Variants in KIAA0586 observed in about 807,000 individuals in gnomAD.
KIAA0586 encodes the protein protein TALPID3.
A neutral mutation model predicts 169.8 loss-of-function variants in KIAA0586; 144 were observed. That is an observed-to-expected ratio of 0.85 (90% CI 0.74 to 0.97). The LOEUF (loss-of-function observed/expected upper bound fraction) is 0.97, where lower values mean the gene tolerates loss of function less well. KIAA0586 is among the 50% of genes least tolerant of loss of function. KIAA0586 has a pLI of 0.00. For missense variants in KIAA0586, 1,854 were observed against 1,823.0 expected (o/e 1.02, Z -0.31); for synonymous variants, 625 against 612.4 (o/e 1.02, Z -0.30).
chr14:58,538,155 C>T (rs1271862082), intron 29 of KIAA0586, among the ~76,000 whole-genome samples: 2 of 152,042 alleles, frequency 1.3e-5, no homozygotes, highest in Admixed American at 6.5e-5. Context: ...GACCCCATTT[C>T]TTTAAAAAAC....
intron 28 of KIAA0586, 101 bp from the exon 29 acceptor site, chr14:58,512,421 C>A: frequency 1.6e-6 from 1 of 618,406 alleles, no homozygotes; most frequent in South Asian, 2.6e-5. Context: ...AGAAAGCAAG[C>A]ATATTATTAA....
At chr14:58,522,013 T>C in intron 29 of KIAA0586, 1 of 1,247,898 alleles carries the variant, frequency 8.0e-7, no homozygotes, top group Non-Finnish European at 1.2e-6. Context: ...GGTTTAGAAA[T>C]CTTATCCCAT....
downstream of KIAA0586, among the ~76,000 whole-genome samples, chr14:58,554,771 T>C (rs544585528): frequency 4.1e-4 from 62 of 152,352 alleles, no homozygotes; most frequent in African/African-American, 1.5e-3. Context: ...TTGTTTTTTC[T>C]ATAAACTTTT....
At position 58,467,805 on chromosome 14, in the gene KIAA0586, T is replaced by G; in HGVS notation, c.2325T>G (p.Thr775=). 6.2e-7 allele frequency: 1 copy of G among 1,613,790 alleles called. No homozygotes were observed. Among genetic ancestry groups the G allele is most frequent in the Non-Finnish European group, 8.5e-7 (1 of 1,179,714 alleles). ...GVIVSKPHPV[T]VTTSIPPSSR... ...TTGTCAGCAAGCCACACCCTGTAAC[T>G]GTGACTACTTCTATTCCTCCATCAT... The change falls in exon 16 of 31, where the codon ACT becomes ACG. Residue 775 remains threonine, a synonymous_variant. Transcript: ENST00000652326.
At chr14:58,495,423 C>T (rs2043099430) in intron 26 of KIAA0586, among the ~76,000 whole-genome samples, 1 of 151,822 alleles carries the variant, frequency 6.6e-6, no homozygotes, top group South Asian at 2.1e-4. Context: ...CATCTCAGCC[C>T]CCAGAGTAGC....
intron 14 of KIAA0586, among the ~76,000 whole-genome samples, chr14:58,462,467 C>T (rs1199019554): frequency 3.3e-5 from 5 of 151,760 alleles, no homozygotes; most frequent in African/African-American, 4.8e-5. Context: ...TGGCCAGGCT[C>T]GTCTTGAACT....
chr14:58,454,481 A>G (rs957527852), intron 9 of KIAA0586, among the ~76,000 whole-genome samples: 3 of 152,178 alleles, frequency 2.0e-5, no homozygotes, highest in Admixed American at 2.0e-4. Flanking sequence ...ATATTCAACT[A>G]TATAGTTCAT....
intron 29 of KIAA0586, 99 bp from the exon 30 acceptor site, chr14:58,539,972 G>A (rs1354539366): frequency 5.9e-6 from 4 of 674,362 alleles, no homozygotes; most frequent in African/African-American, 5.5e-5. Context: ...AATAACGGTG[G>A]GAGTGCATTT....
chr14:58,531,421 A>G (rs1323674061), intron 29 of KIAA0586, among the ~76,000 whole-genome samples: 2 of 152,226 alleles, frequency 1.3e-5, no homozygotes, highest in Non-Finnish European at 2.9e-5. Flanking sequence ...TATGTGGCCA[A>G]CAAAGATCTG....
rs1431253441 is a variant in KIAA0586 at position 58,427,728 on chromosome 14, A to G, written c.-537A>G. The G allele has an allele frequency of 3.3e-6, 5 of 1,534,604 alleles. No individual in the cohort carries two copies. Among genetic ancestry groups the G allele is most frequent in the African/African-American group, 1.4e-5 (1 of 72,958 alleles). On this transcript the variant is annotated 5_prime_UTR_variant, in exon 1 of 31. Transcript: ENST00000652326. ...CCTGCGGGCAACTGACGCTGTTGTC[A>G]GATTACACCCACGACGGTGCGGGTC...
At chr14:58,457,037 CCCAGCTT>C (rs2039923453) in intron 10 of KIAA0586, among the ~76,000 whole-genome samples, 1 of 152,180 alleles carries the variant, frequency 6.6e-6, no homozygotes, top group Non-Finnish European at 1.5e-5. Context: ...CCTCTGGCTT[CCCAGCTT>C]CTGTTGGAAA....
intron 20 of KIAA0586, among the ~76,000 whole-genome samples, chr14:58,477,728 T>C (rs2041751942): frequency 6.6e-6 from 1 of 152,112 alleles, no homozygotes. Flanking sequence ...CCTTTCTTTA[T>C]GGTGCCTATG....
intron 29 of KIAA0586, among the ~76,000 whole-genome samples, chr14:58,527,183 C>G (rs994962320): frequency 2.0e-5 from 3 of 152,128 alleles, no homozygotes; most frequent in African/African-American, 7.2e-5. Flanking sequence ...TGAACAGTGT[C>G]TCCAAGAAAT....
Position 58,443,945 on chromosome 14 carries a change from T to C in KIAA0586, c.586-9T>C. On this transcript the variant is annotated splice_polypyrimidine_tract_variant and intron_variant, in intron 5 of 30. Coordinates refer to ENST00000652326, the MANE Select transcript of KIAA0586 (RefSeq NM_001329943.3). ...ATGTGAATTTTTAAAAATGTTTTTA[T>C]TGTTTTAGGTGCAGAGTGATTTGGA... is the stretch of plus-strand genomic sequence containing the variant. The C allele has an allele frequency of 1.3e-6, 2 of 1,534,570 alleles. No homozygotes were observed. The highest frequency in any genetic ancestry group is 8.9e-7 in the Non-Finnish European group (1 of 1,124,942).
At position 58,442,849 on chromosome 14, in the gene KIAA0586, C is replaced by T; in HGVS notation, c.554C>T (p.Ala185Val). The change falls in exon 5 of 31, where the codon GCT becomes GTT. Residue 185 changes from alanine (A) to valine (V), a missense_variant. Ala to Val is a moderately conservative substitution (Grantham distance 64). Transcript: ENST00000652326. ...ACAACCGTGGCTGCAGCAACTGCTG[C>T]TGCCATTGCAACCGCAGCTCCGTTG... Reference protein sequence around the residue: ...SATTVAAATAAAIATAAPLIK... With the variant: ...SATTVAAATAVAIATAAPLIK... 1 of 1,609,714 alleles carries T rather than the reference C, an allele frequency of 6.2e-7. No homozygotes were observed.
intron 29 of KIAA0586, chr14:58,522,093 A>G: frequency 1.5e-6 from 1 of 679,164 alleles, no homozygotes; most frequent in South Asian, 1.7e-5. Context: ...TATCTTCAGC[A>G]CATGCTCACT....
intron 8 of KIAA0586, among the ~76,000 whole-genome samples, chr14:58,451,211 G>A (rs1015886498): frequency 1.3e-5 from 2 of 151,632 alleles, no homozygotes; most frequent in African/African-American, 2.4e-5. Flanking sequence ...GGATGGTCTC[G>A]ATAAGTTTTG....
intron 26 of KIAA0586, among the ~76,000 whole-genome samples, chr14:58,493,856 G>T (rs559002567): frequency 6.6e-6 from 1 of 151,988 alleles, no homozygotes; most frequent in Non-Finnish European, 1.5e-5. Context: ...GAGAGAAAGC[G>T]CATGTGCGGG....
intron 30 of KIAA0586, chr14:58,543,874 T>G (rs1200196490): frequency 2.2e-6 from 1 of 452,916 alleles, no homozygotes; most frequent in Admixed American, 2.4e-5. Flanking sequence ...TTTTTAACTT[T>G]TATTTTAGGT....
Sources: gnomAD v4.1 joint callset for allele counts (sites outside exome capture counted in the v4.1 genomes callset) on GRCh38, gnomAD v4.1.1 for gene constraint, MANE v1.5 for transcripts, NCBI Gene and HGNC (gene_info 2026-07-23, HGNC 2026-07-21) for gene names.